LRRC69: variants seen among roughly 807,000 people sequenced by gnomAD.
The protein encoded by LRRC69 is leucine rich repeat containing 69, also known as leucine-rich repeat-containing protein 69.
LRRC69 carries 42 observed loss-of-function variants against 37.8 expected under a neutral mutation model. The observed-to-expected ratio is 1.11, with a 90% CI of 0.87 to 1.44. The LOEUF is 1.44. LRRC69 is among the 40% of genes most tolerant of loss of function. The pLI, the probability that LRRC69 is intolerant of heterozygous loss-of-function variation, is 0.00. For synonymous variants in LRRC69, 141 were observed against 143.1 expected (o/e 0.99, Z 0.11); for missense variants, 357 against 401.9 (o/e 0.89, Z 0.96).
At chr8:91,198,173 T>A (rs1186094119) in intron 6 of LRRC69, among the ~76,000 whole-genome samples, 1 of 152,162 alleles carries the variant, frequency 6.6e-6, no homozygotes, top group African/African-American at 2.4e-5. Context: ...AATAACTATA[T>A]TATAGAAAAA....
chr8:91,191,044 C>A (rs4513932), intron 6 of LRRC69, among the ~76,000 whole-genome samples: 13 of 116,290 alleles, frequency 1.1e-4, no homozygotes, highest in African/African-American at 3.3e-4. Flanking sequence ...GTCTCAAACC[C>A]CCCCCCCCCC....
intron 2 of LRRC69, among the ~76,000 whole-genome samples, chr8:91,125,407 C>T (rs910311910): frequency 1.3e-5 from 2 of 151,766 alleles, no homozygotes; most frequent in Non-Finnish European, 2.9e-5. Flanking sequence ...GCAAATAGCA[C>T]AAGTAGACTC....
chr8:91,175,706 C>G (rs1019593853), intron 5 of LRRC69, among the ~76,000 whole-genome samples: 1 of 151,994 alleles, frequency 6.6e-6, no homozygotes, highest in African/African-American at 2.4e-5. Context: ...GGGGCATCAA[C>G]AGAGTAGGAA....
chr8:91,182,384 GTTAATCCTAATATTTACTAAA>G (rs1563616647), intron 5 of LRRC69, among the ~76,000 whole-genome samples: 1 of 151,992 alleles, frequency 6.6e-6, no homozygotes, highest in Non-Finnish European at 1.5e-5. Flanking sequence ...GCATAAGATA[GTTAATCCTAATATTTACTAAA>G]ACATTATAAT....
intron 5 of LRRC69, among the ~76,000 whole-genome samples, chr8:91,175,253 C>G (rs1215496114): frequency 6.6e-6 from 1 of 151,818 alleles, no homozygotes; most frequent in Non-Finnish European, 1.5e-5. Flanking sequence ...ATGTGATTCT[C>G]AGTTCAAGGA....
intron 5 of LRRC69, among the ~76,000 whole-genome samples, chr8:91,188,978 C>T (rs1809448150): frequency 6.6e-6 from 1 of 152,028 alleles, no homozygotes; most frequent in African/African-American, 2.4e-5. Flanking sequence ...GCATGTACCA[C>T]CACACCTGGC....
chr8:91,211,616 A>ATATTT (rs1554597817), intron 7 of LRRC69, among the ~76,000 whole-genome samples: 1 of 137,530 alleles, frequency 7.3e-6, no homozygotes, highest in African/African-American at 2.9e-5. Context: ...ATATATATAT[A>ATATTT]TTTTTTTTTT....
intron 5 of LRRC69, among the ~76,000 whole-genome samples, chr8:91,159,738 AG>A (rs1808903062): frequency 6.6e-6 from 1 of 151,360 alleles, no homozygotes. Flanking sequence ...AAAGAAAATG[AG>A]GTTTGAAATT....
At chr8:91,214,970 G>A (rs992197231) in intron 7 of LRRC69, among the ~76,000 whole-genome samples, 4 of 151,972 alleles carry the variant, frequency 2.6e-5, no homozygotes, top group East Asian at 1.9e-4. Flanking sequence ...ATTGGCTCAT[G>A]GTTCCTTTCT....
chr8:91,161,087 G>A (rs1344689301), intron 5 of LRRC69, among the ~76,000 whole-genome samples: 1 of 151,310 alleles, frequency 6.6e-6, no homozygotes, highest in Non-Finnish European at 1.5e-5. Flanking sequence ...TTGATATGAT[G>A]TATTATATAT....
At chr8:91,154,872 A>C (rs931638295) in intron 5 of LRRC69, among the ~76,000 whole-genome samples, 2 of 151,628 alleles carry the variant, frequency 1.3e-5, no homozygotes, top group Non-Finnish European at 2.9e-5. Flanking sequence ...AATTCTGGCC[A>C]GGTCAATCAG....
intron 5 of LRRC69, among the ~76,000 whole-genome samples, chr8:91,156,494 T>C (rs1808837574): frequency 6.6e-6 from 1 of 151,056 alleles, no homozygotes; most frequent in Admixed American, 6.6e-5. Flanking sequence ...GATGAATGGC[T>C]TGGAAATGTT....
intron 5 of LRRC69, among the ~76,000 whole-genome samples, chr8:91,187,037 A>T (rs1024147105): frequency 3.9e-5 from 6 of 152,212 alleles, no homozygotes; most frequent in African/African-American, 1.4e-4. Flanking sequence ...ATTACTCAAG[A>T]AGGCAGTTGA....
At chr8:91,140,132 C>T (rs930200624) in intron 5 of LRRC69, among the ~76,000 whole-genome samples, 2 of 150,126 alleles carry the variant, frequency 1.3e-5, no homozygotes, top group African/African-American at 4.9e-5. Flanking sequence ...AAGTATTCTC[C>T]ATAAGGCATT....
In LRRC69 at chr8:91,195,353, A is replaced by G. The variant is rs1383363571; in HGVS notation, c.754-5260A>G. Among the ~76,000 whole-genome samples, 4 of 151,388 alleles carry G rather than the reference A, an allele frequency of 2.6e-5. No homozygotes were observed. In the East Asian group the frequency reaches 7.8e-4, roughly 29 times the overall value. On this transcript the variant is annotated intron_variant, in intron 6 of 7. Transcript: ENST00000448384. ...GGGGTGGAGAGTTCTGTAGATGTCT[A>G]TTAGGTCCGCTTGGTGCAGAGCTGA...
chr8:91,149,272 G>A lies in LRRC69; in HGVS notation c.651+13533G>A, dbSNP rs533174178. On this transcript the variant is annotated intron_variant, in intron 5 of 7. Coordinates refer to ENST00000448384, the Ensembl canonical transcript of LRRC69. ...GAATTAATTTTTGTATAAGGTGTAA[G>A]GAAGGGATCCAGTTTCAGCTTTCTA... 1.3e-4 allele frequency among the ~76,000 whole-genome samples: 20 copies of A among 152,082 alleles called. No homozygotes were observed. The South Asian group carries it at 2.3e-3, about 17-fold the overall frequency.
intron 5 of LRRC69, chr8:91,139,267 TGCAGTGGCTCAC>T (rs1269788456): frequency 6.6e-6 from 1 of 151,710 alleles, no homozygotes; most frequent in Non-Finnish European, 1.5e-5. Context: ...TTCGGCCGGG[TGCAGTGGCTCAC>T]GCCTGTAATC....
chr8:91,176,138 T>TTTTTTTTC, intron 5 of LRRC69, among the ~76,000 whole-genome samples: 2 of 72,150 alleles, frequency 2.8e-5, no homozygotes, highest in South Asian at 4.9e-4. Context: ...ATATATATTT[T>TTTTTTTTC]TTTTTTTTCT....
intron 1 of LRRC69, among the ~76,000 whole-genome samples, chr8:91,121,670 A>G (rs1813624174): frequency 6.6e-6 from 1 of 152,044 alleles, no homozygotes; most frequent in Non-Finnish European, 1.5e-5. Flanking sequence ...TTTTTGTATT[A>G]ATTTGTTTAG....
Sources: allele counts gnomAD v4.1 joint callset (sites outside exome capture counted in the v4.1 genomes callset), GRCh38; gene constraint gnomAD v4.1.1; transcripts MANE v1.5; gene names NCBI Gene and HGNC (gene_info 2026-07-23, HGNC 2026-07-21).